RIMS2: variants seen among roughly 807,000 people sequenced by gnomAD.
RIMS2 encodes the protein regulating synaptic membrane exocytosis 2.
RIMS2 carries 59 observed loss-of-function variants against 174.4 expected under a neutral mutation model. The ratio of observed to expected loss-of-function variants is 0.34; its 90% CI spans 0.27 to 0.42. The LOEUF is 0.42. Ranked by LOEUF, RIMS2 falls within the 10% of genes least tolerant of loss-of-function variation. The pLI is 1.00. For missense variants in RIMS2, 1,620 were observed against 1,666.3 expected, an observed-to-expected ratio of 0.97 and a Z score of 0.48; for synonymous variants, 606 against 572.5, an observed-to-expected ratio of 1.06 and a Z score of -0.84.
intron 1 of RIMS2, among the ~76,000 whole-genome samples, chr8:103,607,082 G>C (rs10097673): frequency 1.3e-5 from 2 of 151,928 alleles, no homozygotes; most frequent in Non-Finnish European, 2.9e-5. Flanking sequence ...AGTTGATGCA[G>C]TTTCTTCCTA....
At chr8:103,954,015 A>G (rs1045708575) in intron 14 of RIMS2, among the ~76,000 whole-genome samples, 1 of 152,202 alleles carries the variant, frequency 6.6e-6, no homozygotes, top group Non-Finnish European at 1.5e-5. Context: ...GAAGGCCATT[A>G]CATAATGGTA....
At position 103,569,789 on chromosome 8, in the gene RIMS2, A is replaced by ATT. The variant is rs527413126; in HGVS notation, c.176+68742_176+68743dup. On this transcript the variant is annotated intron_variant, in intron 1 of 23. Transcript: ENST00000504942. Reference sequence around the variant, plus strand: ...GTGCTACTGCCCCTGGCTAATTTTAATTTTTTTTTTTTTTTTGGCAGAGAC... The same window carrying ATT: ...GTGCTACTGCCCCTGGCTAATTTTAATTTTTTTTTTTTTTTTTTGGCAGAGAC... Among the ~76,000 whole-genome samples, 113 of 136,446 alleles carry ATT rather than the reference A, an allele frequency of 8.3e-4. 1 individual carries two copies. Among genetic ancestry groups the ATT allele is most frequent in the African/African-American group, 1.7e-3 (63 of 37,224 alleles). The allele number at this position is 136,446 out of a possible 152,430, so 89.5% of individuals were successfully genotyped here. A position where few individuals can be genotyped will look rare whatever the true frequency, so the allele number is the denominator to read the frequency against.
chr8:104,201,889 T>C (rs1293232408), intron 19 of RIMS2, among the ~76,000 whole-genome samples: 2 of 152,196 alleles, frequency 1.3e-5, no homozygotes, highest in East Asian at 1.9e-4. Context: ...TTCAGCTCTA[T>C]TGTAGAAGCT....
chr8:103,908,634 G>A (rs1035732762), intron 4 of RIMS2, among the ~76,000 whole-genome samples: 1 of 152,008 alleles, frequency 6.6e-6, no homozygotes. Flanking sequence ...AGTTAACCTT[G>A]ACTCTTTAGT....
At chr8:104,187,828 T>C in intron 19 of RIMS2, among the ~76,000 whole-genome samples, 1 of 151,758 alleles carries the variant, frequency 6.6e-6, no homozygotes, top group African/African-American at 2.4e-5. Flanking sequence ...TTTTCAAGCT[T>C]GGTATAAAAA....
At chr8:104,168,036 T>A (rs2098807991) in intron 19 of RIMS2, among the ~76,000 whole-genome samples, 1 of 152,154 alleles carries the variant, frequency 6.6e-6, no homozygotes, top group African/African-American at 2.4e-5. Flanking sequence ...TGCCTATTTT[T>A]ATGCCAGTAA....
At chr8:104,151,137 C>A (rs1031776546) in intron 19 of RIMS2, among the ~76,000 whole-genome samples, 5 of 152,212 alleles carry the variant, frequency 3.3e-5, no homozygotes, top group African/African-American at 1.2e-4. Flanking sequence ...TTTTAAAGAG[C>A]AAAATTAGTA....
At chr8:103,757,732 A>G (rs1461464048) in intron 2 of RIMS2, among the ~76,000 whole-genome samples, 2 of 152,198 alleles carry the variant, frequency 1.3e-5, no homozygotes, top group Non-Finnish European at 2.9e-5. Context: ...CCTAAATGCA[A>G]TCCCTTGTAT....
chr8:103,828,269 T>A (rs1163208039), intron 3 of RIMS2, among the ~76,000 whole-genome samples: 2 of 152,188 alleles, frequency 1.3e-5, no homozygotes, highest in Non-Finnish European at 2.9e-5. Context: ...ATTGGTGTTA[T>A]TTATCCCTTA....
rs570351980 is a variant in RIMS2 at position 103,664,877 on chromosome 8, A to C, written c.177-32209A>C. On this transcript the variant is annotated intron_variant, in intron 1 of 23. Transcript: ENST00000504942. ...AATAGCAAAGACTTGGAACCAACCCAAATGTCCATCACTGATAGACTGGAT... is the reference window on the plus strand; with the variant it reads ...AATAGCAAAGACTTGGAACCAACCCCAATGTCCATCACTGATAGACTGGAT... Among the ~76,000 whole-genome samples, 225 of 152,350 alleles carry C rather than the reference A, an allele frequency of 1.5e-3. 5 individuals carry two copies. In the South Asian group the frequency reaches 0.025, roughly 17 times the overall value.
chr8:104,245,203 A>G lies in RIMS2; in HGVS notation c.3476+146A>G, dbSNP rs374879116. On this transcript the variant is annotated intron_variant, in intron 20 of 23. Transcript: ENST00000504942. ...ATTTCCTGTGAAGAGAACTTTGCTC[A>G]CCTGCCACTGAACAATGTGACATAT... The G allele has an allele frequency of 1.3e-4, 96 of 724,348 alleles. No individual in the cohort carries two copies. In the African/African-American group the frequency reaches 1.5e-3, roughly 11 times the overall value. The allele number at this position is 724,348 out of a possible 1,614,324, so 44.9% of individuals were successfully genotyped here. A position where few individuals can be genotyped will look rare whatever the true frequency, so the allele number is the denominator to read the frequency against.
intron 19 of RIMS2, chr8:104,094,659 G>A (rs940388606): frequency 2.7e-5 from 19 of 701,178 alleles, no homozygotes; most frequent in Middle Eastern, 2.3e-4. Context: ...AGATATACAC[G>A]AGCAAGGGAA....
In RIMS2 at chr8:103,887,524, A is replaced by G. The variant is rs553138461; in HGVS notation, c.1624+1301A>G. Among the ~76,000 whole-genome samples, 233 of 151,628 alleles carry G rather than the reference A, an allele frequency of 1.5e-3. 1 individual carries two copies. The highest frequency in any genetic ancestry group is 2.5e-3 in the Non-Finnish European group (171 of 67,658). ...TCTCATTTTTAAATTATTTTTAACC[A>G]TTAACTTTTTTAACATTCTGGAATT... On this transcript the variant is annotated intron_variant, in intron 4 of 23. Transcript: ENST00000504942.
intron 1 of RIMS2, among the ~76,000 whole-genome samples, chr8:103,527,562 C>T (rs761094658): frequency 6.6e-6 from 1 of 151,846 alleles, no homozygotes; most frequent in Non-Finnish European, 1.5e-5. Flanking sequence ...CACAACAGGC[C>T]CTGGTGTGTG....
intron 6 of RIMS2, among the ~76,000 whole-genome samples, chr8:103,913,336 G>A (rs972028161): frequency 6.6e-6 from 1 of 151,978 alleles, no homozygotes; most frequent in Non-Finnish European, 1.5e-5. Flanking sequence ...AGCTACTGAG[G>A]AGGCTGAGGC....
intron 17 of RIMS2, among the ~76,000 whole-genome samples, chr8:103,996,385 T>C (rs915678571): frequency 6.6e-6 from 1 of 151,988 alleles, no homozygotes; most frequent in African/African-American, 2.4e-5. Flanking sequence ...AACATATGTT[T>C]TCCTGAAGTG....
chr8:104,055,649 C>T (rs536783242), intron 19 of RIMS2, among the ~76,000 whole-genome samples: 1 of 152,190 alleles, frequency 6.6e-6, no homozygotes, highest in East Asian at 1.9e-4. Flanking sequence ...TTGTGACTAA[C>T]AAATTAACTA....
At chr8:103,501,701 C>G (rs149634595) in intron 1 of RIMS2, 1 of 152,768 alleles carries the variant, frequency 6.5e-6, no homozygotes, top group Non-Finnish European at 1.5e-5. Context: ...TAACACCCTG[C>G]ACTCTGCTGC....
Position 103,814,442 on chromosome 8 carries a change from A to G in RIMS2, c.698+47905A>G, listed in dbSNP as rs1031464240. On this transcript the variant is annotated intron_variant, in intron 3 of 23. Transcript: ENST00000504942. ...AAAAACTAAAAAAAAAAAACTTAAA[A>G]AGAAAGAATTTACACTTCAAAAATT... Among the ~76,000 whole-genome samples the G allele has an allele frequency of 1.3e-5, 2 of 152,228 alleles. 1 individual carries two copies. The highest frequency in any genetic ancestry group is 2.9e-5 in the Non-Finnish European group (2 of 67,998).
Sources: gnomAD v4.1 joint callset for allele counts (sites outside exome capture counted in the v4.1 genomes callset) on GRCh38, gnomAD v4.1.1 for gene constraint, MANE v1.5 for transcripts, NCBI Gene and HGNC (gene_info 2026-07-23, HGNC 2026-07-21) for gene names.